Variants in RBFOX1 observed in about 807,000 individuals in gnomAD.
RBFOX1 encodes the protein RNA binding protein fox-1 homolog 1.
Under a neutral mutation model 57.7 loss-of-function variants are expected in RBFOX1, and 8 were observed. The ratio of observed to expected loss-of-function variants is 0.14; its 90% CI spans 0.08 to 0.25. The LOEUF (loss-of-function observed/expected upper bound fraction) is 0.25. RBFOX1 is among the 10% of genes least tolerant of loss of function. The probability of loss-of-function intolerance (pLI) is 1.00; values close to 1 mark genes in which losing one functional copy is unlikely to be tolerated. For missense variants in RBFOX1, 611 were observed against 548.5 expected (o/e 1.11, Z -1.14); for synonymous variants, 326 against 222.4 (o/e 1.47, Z -4.15).
In RBFOX1 at chr16:6,728,321, C is replaced by T. The variant is rs145953763; in HGVS notation, c.-16+73671C>T. Among the ~76,000 whole-genome samples, 532 of 152,234 alleles carry T rather than the reference C, an allele frequency of 3.5e-3. 3 individuals carry two copies. Among genetic ancestry groups the T allele is most frequent in the African/African-American group, 0.012 (486 of 41,558 alleles). ...AGTTTACTTATCAAATAGTGAAAAA[C>T]GTAACTTGAGCAAATTTCTCTCCTG... On this transcript the variant is annotated intron_variant, in intron 3 of 15. Transcript: ENST00000550418.
At chr16:7,243,510 G>A (rs2094157366) in intron 4 of RBFOX1, among the ~76,000 whole-genome samples, 1 of 152,068 alleles carries the variant, frequency 6.6e-6, no homozygotes, top group African/African-American at 2.4e-5. Flanking sequence ...TAAGCAGAAG[G>A]GCTCCCCAGG....
At chr16:5,354,348 C>T (rs896765708) in intron 1 of RBFOX1, among the ~76,000 whole-genome samples, 6 of 152,182 alleles carry the variant, frequency 3.9e-5, no homozygotes, top group African/African-American at 1.4e-4. Flanking sequence ...TGTAGTCTGA[C>T]CCAATATTCC....
chr16:7,669,449 T>C (rs1482193360), intron 13 of RBFOX1, among the ~76,000 whole-genome samples: 1 of 152,162 alleles, frequency 6.6e-6, no homozygotes, highest in Admixed American at 6.5e-5. Context: ...GTGACAATGG[T>C]AAGAGCAGAG....
At chr16:7,479,785 C>T (rs2063509015) in intron 4 of RBFOX1, among the ~76,000 whole-genome samples, 1 of 152,150 alleles carries the variant, frequency 6.6e-6, no homozygotes, top group South Asian at 2.1e-4. Flanking sequence ...TCCACATTCT[C>T]CCCAGCATGT....
chr16:5,738,763 G>A (rs2052671939), intron 3 of RBFOX1, among the ~76,000 whole-genome samples: 1 of 152,110 alleles, frequency 6.6e-6, no homozygotes, highest in Non-Finnish European at 1.5e-5. Flanking sequence ...CACAGCATGT[G>A]AATCAGGAAG....
intron 2 of RBFOX1, among the ~76,000 whole-genome samples, chr16:6,327,133 T>C (rs1248598080): frequency 6.6e-6 from 1 of 152,182 alleles, no homozygotes; most frequent in Non-Finnish European, 1.5e-5. Context: ...TCCTCTGCAA[T>C]CCCAGTCCAG....
At chr16:7,620,673 A>T (rs1044987823) in intron 10 of RBFOX1, among the ~76,000 whole-genome samples, 2 of 152,146 alleles carry the variant, frequency 1.3e-5, no homozygotes, top group African/African-American at 4.8e-5. Context: ...CTTTGTTGTA[A>T]TGGGGGTAAT....
At chr16:5,306,722 C>G (rs1020378025) in intron 1 of RBFOX1, among the ~76,000 whole-genome samples, 13 of 152,176 alleles carry the variant, frequency 8.5e-5, no homozygotes, top group African/African-American at 2.7e-4. Flanking sequence ...CCCATGCTGC[C>G]CTGCCCTCCA....
chr16:7,168,518 G>GTACAGAAAACCTTCAATTAAGT (rs879568723), intron 4 of RBFOX1, among the ~76,000 whole-genome samples: 90 of 152,224 alleles, frequency 5.9e-4, no homozygotes, highest in Non-Finnish European at 1.1e-3. Flanking sequence ...GCTCATACTG[G>GTACAGAAAACCTTCAATTAAGT]TACAGAAAAC....
intron 4 of RBFOX1, among the ~76,000 whole-genome samples, chr16:7,449,833 A>G (rs1413330562): frequency 6.6e-6 from 1 of 151,958 alleles, no homozygotes; most frequent in Non-Finnish European, 1.5e-5. Flanking sequence ...CACAGGGTAA[A>G]GTGTTCTTCC....
At chr16:5,492,745 C>G (rs2042874576) in intron 2 of RBFOX1, among the ~76,000 whole-genome samples, 1 of 152,240 alleles carries the variant, frequency 6.6e-6, no homozygotes, top group African/African-American at 2.4e-5. Flanking sequence ...AATAGTTCAT[C>G]ATTACCAAAT....
chr16:5,361,721 A>G (rs2065557146), intron 1 of RBFOX1, among the ~76,000 whole-genome samples: 2 of 152,216 alleles, frequency 1.3e-5, no homozygotes, highest in South Asian at 2.1e-4. Flanking sequence ...AGGTACCTGC[A>G]AGGCTCCTCC....
intron 4 of RBFOX1, among the ~76,000 whole-genome samples, chr16:7,392,067 C>A (rs1255268542): frequency 6.6e-6 from 1 of 152,212 alleles, no homozygotes; most frequent in African/African-American, 2.4e-5. Flanking sequence ...ATACTTAAGC[C>A]AGGCCAGAAT....
At chr16:5,855,631 A>C (rs1385617901) in intron 3 of RBFOX1, among the ~76,000 whole-genome samples, 1 of 152,052 alleles carries the variant, frequency 6.6e-6, no homozygotes, top group Non-Finnish European at 1.5e-5. Context: ...GTTCCTTTGT[A>C]CTGTATTTCG....
At chr16:5,271,709 A>T (rs1383193907) in intron 1 of RBFOX1, among the ~76,000 whole-genome samples, 1 of 152,194 alleles carries the variant, frequency 6.6e-6, no homozygotes, top group South Asian at 2.1e-4. Context: ...TATTCTTCCT[A>T]TTGGAAACTT....
chr16:5,715,039 G>A (rs550495871), intron 3 of RBFOX1, among the ~76,000 whole-genome samples: 2 of 152,352 alleles, frequency 1.3e-5, no homozygotes, highest in African/African-American at 4.8e-5. Flanking sequence ...ACATAAATGA[G>A]AAGGATAACT....
At chr16:5,584,339 T>G (rs1316882665) in intron 2 of RBFOX1, among the ~76,000 whole-genome samples, 2 of 152,228 alleles carry the variant, frequency 1.3e-5, no homozygotes, top group Non-Finnish European at 2.9e-5. Flanking sequence ...TTCAGCATCT[T>G]GAGCCAGAAA....
chr16:5,591,476 C>T (rs540296638), intron 2 of RBFOX1, among the ~76,000 whole-genome samples: 48 of 152,134 alleles, frequency 3.2e-4, no homozygotes, highest in African/African-American at 9.7e-4. Flanking sequence ...GTCTCGTACT[C>T]CTGACCTCAG....
chr16:5,460,317 T>C (rs78893824), intron 1 of RBFOX1, among the ~76,000 whole-genome samples: 1,889 of 152,328 alleles, frequency 0.012, 52 homozygotes, highest in African/African-American at 0.043. Context: ...AATAATCTTG[T>C]GGTCTTATCA....
Sources: gnomAD v4.1 joint callset for allele counts (sites outside exome capture counted in the v4.1 genomes callset) on GRCh38, gnomAD v4.1.1 for gene constraint, MANE v1.5 for transcripts, NCBI Gene and HGNC (gene_info 2026-07-23, HGNC 2026-07-21) for gene names.